CDH13: variants seen among roughly 807,000 people sequenced by gnomAD.
CDH13 encodes cadherin 13, also known as cadherin-13.
CDH13 carries 24 observed loss-of-function variants against 63.8 expected under a neutral mutation model. The ratio of observed to expected loss-of-function variants is 0.38; its 90% CI spans 0.27 to 0.53. The LOEUF (loss-of-function observed/expected upper bound fraction) is 0.53, where lower values mean the gene tolerates loss of function less well. CDH13 is among the 20% of genes least tolerant of loss of function. The pLI is 0.85. For synonymous variants in CDH13, 503 were observed against 355.3 expected, an observed-to-expected ratio of 1.42 and a Z score of -4.67; for missense variants, 1,049 against 903.1, an observed-to-expected ratio of 1.16 and a Z score of -2.07.
chr16:83,011,697 C>T (rs918029354), intron 2 of CDH13, among the ~76,000 whole-genome samples: 1 of 152,170 alleles, frequency 6.6e-6, no homozygotes, highest in African/African-American at 2.4e-5. Context: ...ACCTTTCCGG[C>T]CCTTTCCTTT....
chr16:83,578,204 G>C (rs1905224615), intron 7 of CDH13, among the ~76,000 whole-genome samples: 1 of 152,154 alleles, frequency 6.6e-6, no homozygotes, highest in African/African-American at 2.4e-5. Flanking sequence ...TATATCGCTG[G>C]CTAGCCATTC....
At chr16:82,936,142 A>C (rs922949116) in intron 2 of CDH13, among the ~76,000 whole-genome samples, 1 of 152,170 alleles carries the variant, frequency 6.6e-6, no homozygotes, top group Non-Finnish European at 1.5e-5. Flanking sequence ...CGGAGCTGCC[A>C]TCTTGAACAT....
intron 6 of CDH13, among the ~76,000 whole-genome samples, chr16:83,416,610 T>G (rs1473743725): frequency 6.6e-6 from 1 of 152,188 alleles, no homozygotes; most frequent in Non-Finnish European, 1.5e-5. Flanking sequence ...GAAGTACCAC[T>G]TCAATCTCTG....
chr16:82,725,797 G>C (rs371865559), intron 1 of CDH13, among the ~76,000 whole-genome samples: 82 of 152,270 alleles, frequency 5.4e-4, no homozygotes, highest in African/African-American at 1.8e-3. Context: ...ATGATAGCAA[G>C]ACTTACTTAT....
chr16:82,750,923 A>C (rs79640861), intron 1 of CDH13, among the ~76,000 whole-genome samples: 2,305 of 152,284 alleles, frequency 0.015, 57 homozygotes, highest in African/African-American at 0.053. Context: ...AAATATTCTT[A>C]ATTTAGACAC....
intron 1 of CDH13, among the ~76,000 whole-genome samples, chr16:82,789,247 G>A (rs756648165): frequency 1.3e-5 from 2 of 152,212 alleles, no homozygotes; most frequent in African/African-American, 4.8e-5. Context: ...GTCACGAAGA[G>A]TAGGTGTTCC....
intron 10 of CDH13, among the ~76,000 whole-genome samples, chr16:83,734,819 G>A (rs915734162): frequency 4.0e-5 from 6 of 151,646 alleles, no homozygotes; most frequent in Admixed American, 6.6e-5. Flanking sequence ...GGTCCTTTAG[G>A]CAATCCTGAT....
At chr16:83,609,485 C>A (rs1357169713) in intron 8 of CDH13, among the ~76,000 whole-genome samples, 1 of 152,206 alleles carries the variant, frequency 6.6e-6, no homozygotes, top group Admixed American at 6.5e-5. Flanking sequence ...CATGGAAGAT[C>A]AAATCGGCAA....
rs1597182981 is a variant in CDH13, at chr16:83,032,134, G to T, written c.282G>T (p.Leu94=). ...LRNITAVGKT[L]FVHARTPHAE... ...ACATAACTGCAGTGGGCAAAACTCT[G>T]TTCGTCCATGCACGGACCCCCCATG... Residue 94 remains leucine, a synonymous_variant, in exon 3 of 14, where the codon CTG becomes CTT. Transcript: ENST00000567109. 6.2e-7 allele frequency: 1 copy of T among 1,613,618 alleles called. No individual in the cohort carries two copies. Among genetic ancestry groups the T allele is most frequent in the African/African-American group, 1.3e-5 (1 of 75,026 alleles).
intron 6 of CDH13, among the ~76,000 whole-genome samples, chr16:83,422,688 C>G (rs144046259): frequency 1.7e-4 from 26 of 152,280 alleles, no homozygotes; most frequent in East Asian, 7.7e-4. Flanking sequence ...CGTTTGACTT[C>G]TCCTCTGACC....
At chr16:83,387,198 A>G (rs951839106) in intron 6 of CDH13, among the ~76,000 whole-genome samples, 1 of 152,140 alleles carries the variant, frequency 6.6e-6, no homozygotes, top group African/African-American at 2.4e-5. Flanking sequence ...GGAGGAGGCA[A>G]GGTACCCATT....
At chr16:83,374,321 C>A (rs188799951) in intron 6 of CDH13, among the ~76,000 whole-genome samples, 1 of 152,304 alleles carries the variant, frequency 6.6e-6, no homozygotes, top group South Asian at 2.1e-4. Flanking sequence ...CCATGTGACC[C>A]TCAAGAAGAT....
At chr16:82,655,594 T>C (rs183010930) in intron 1 of CDH13, among the ~76,000 whole-genome samples, 1 of 151,586 alleles carries the variant, frequency 6.6e-6, no homozygotes, top group Non-Finnish European at 1.5e-5. Context: ...ACTGGTGGGG[T>C]TGGGGGAGGG....
At chr16:83,543,932 T>C (rs2075337797) in intron 7 of CDH13, among the ~76,000 whole-genome samples, 1 of 152,184 alleles carries the variant, frequency 6.6e-6, no homozygotes, top group South Asian at 2.1e-4. Context: ...ACCCCATCAG[T>C]GACACTTGAT....
At chr16:83,306,628 A>G (rs140345779) in intron 5 of CDH13, among the ~76,000 whole-genome samples, 1 of 152,334 alleles carries the variant, frequency 6.6e-6, no homozygotes, top group Non-Finnish European at 1.5e-5. Context: ...TTCTGTAATT[A>G]TTCATGGAAT....
chr16:82,803,272 T>C (rs2036962514), intron 1 of CDH13, among the ~76,000 whole-genome samples: 1 of 152,196 alleles, frequency 6.6e-6, no homozygotes, highest in African/African-American at 2.4e-5. Context: ...TAAGATGATC[T>C]CAATTTTGAA....
chr16:83,348,216 G>C (rs1056995165), intron 6 of CDH13, among the ~76,000 whole-genome samples: 17 of 152,116 alleles, frequency 1.1e-4, no homozygotes, highest in African/African-American at 4.1e-4. Context: ...TAAGAGCCAC[G>C]TGACCCACTG....
At chr16:83,714,105 C>T (rs540123203) in intron 10 of CDH13, among the ~76,000 whole-genome samples, 4 of 152,288 alleles carry the variant, frequency 2.6e-5, no homozygotes, top group African/African-American at 9.6e-5. Context: ...GGCTGCCCTA[C>T]GCCAAATCAG....
chr16:83,068,301 C>G (rs2032173024), intron 3 of CDH13, among the ~76,000 whole-genome samples: 1 of 152,136 alleles, frequency 6.6e-6, no homozygotes, highest in Non-Finnish European at 1.5e-5. Flanking sequence ...ACTTTCATCC[C>G]CACTTTATTA....
Sources: allele counts gnomAD v4.1 joint callset (sites outside exome capture counted in the v4.1 genomes callset), GRCh38; gene constraint gnomAD v4.1.1; transcripts MANE v1.5; gene names NCBI Gene and HGNC (gene_info 2026-07-23, HGNC 2026-07-21).